Variants in SLCO1B3 observed in about 807,000 individuals in gnomAD.
SLCO1B3 encodes the protein liver-specific organic anion transporter 2.
SLCO1B3 carries 72 observed loss-of-function variants against 71.8 expected under a neutral mutation model. The ratio of observed to expected loss-of-function variants is 1.00; its 90% CI spans 0.83 to 1.22. SLCO1B3 has a LOEUF of 1.22. SLCO1B3 is among the 50% of genes most tolerant of loss of function. The pLI, the probability that SLCO1B3 is intolerant of heterozygous loss-of-function variation, is 0.00. For missense variants in SLCO1B3, 911 were observed against 819.7 expected (o/e 1.11, Z -1.36); for synonymous variants, 298 against 278.4 (o/e 1.07, Z -0.70).
At chr12:20,913,918 A>AT (rs1234160148) in intron 15 of SLCO1B3, among the ~76,000 whole-genome samples, 1 of 151,936 alleles carries the variant, frequency 6.6e-6, no homozygotes, top group Admixed American at 6.6e-5. Context: ...TGCCTAGCTA[A>AT]TTTTTTGATT....
chr12:20,855,324 G>C (rs1331363446), intron 4 of SLCO1B3, among the ~76,000 whole-genome samples, 155 bp downstream of exon 4: 1 of 152,134 alleles, frequency 6.6e-6, no homozygotes. Flanking sequence ...TGCTATAAAT[G>C]GGCTGGGGCA....
At chr12:20,854,011 A>G (rs1865079245) in intron 3 of SLCO1B3, among the ~76,000 whole-genome samples, 1 of 151,690 alleles carries the variant, frequency 6.6e-6, no homozygotes, top group African/African-American at 2.4e-5. Flanking sequence ...ATATCTGTGG[A>G]TTTTCTTGTT....
chr12:20,838,555 T>A (rs1417689667), intron 3 of SLCO1B3, among the ~76,000 whole-genome samples: 1 of 152,048 alleles, frequency 6.6e-6, no homozygotes. Flanking sequence ...TAGACTGTAC[T>A]TACACAAGCC....
At chr12:20,896,638 A>T (rs1430205677) in intron 13 of SLCO1B3, among the ~76,000 whole-genome samples, 1 of 152,116 alleles carries the variant, frequency 6.6e-6, no homozygotes, top group Non-Finnish European at 1.5e-5. Context: ...AAACTTTCCC[A>T]TATTTTCTTG....
intron 3 of SLCO1B3, among the ~76,000 whole-genome samples, chr12:20,845,492 G>A (rs1260842851): frequency 1.3e-5 from 2 of 152,110 alleles, no homozygotes; most frequent in South Asian, 4.1e-4. Flanking sequence ...CAGCAACACA[G>A]GGCAAGGATA....
In SLCO1B3 at chr12:20,883,706, T is replaced by C. The variant is rs575834904; in HGVS notation, c.1682+104T>C. 5.5e-6 allele frequency: 4 copies of C among 722,258 alleles called. No homozygotes were observed. The East Asian group carries it at 1.2e-4, about 22-fold the overall frequency. The allele number at this position is 722,258 out of a possible 1,614,324, so 44.7% of individuals were successfully genotyped here. A position where few individuals can be genotyped will look rare whatever the true frequency, so the allele number is the denominator to read the frequency against. On this transcript the variant is annotated intron_variant, in intron 13 of 15. Transcript: ENST00000381545. ...TGAGCTCAAATTCATATTTTGTCAA[T>C]TTTTAATTCTTTGAGAATGCATTTT...
chr12:20,880,493 A>G (rs1232778306), intron 11 of SLCO1B3, among the ~76,000 whole-genome samples: 1 of 151,656 alleles, frequency 6.6e-6, no homozygotes. Context: ...AATCTCAGAA[A>G]AATGAAGTTA....
chr12:20,912,559 T>C (rs1866405677), intron 15 of SLCO1B3, among the ~76,000 whole-genome samples: 1 of 150,336 alleles, frequency 6.7e-6, no homozygotes, highest in African/African-American at 2.5e-5. Context: ...GTTTCACTGC[T>C]GTCGCCCAGG....
At chr12:20,843,557 G>T (rs1864845907) in intron 3 of SLCO1B3, among the ~76,000 whole-genome samples, 1 of 151,940 alleles carries the variant, frequency 6.6e-6, no homozygotes, top group Non-Finnish European at 1.5e-5. Flanking sequence ...GACGTGGGTG[G>T]ATCACAAGAT....
At chr12:20,913,677 C>T (rs1336241524) in intron 15 of SLCO1B3, among the ~76,000 whole-genome samples, 2 of 152,118 alleles carry the variant, frequency 1.3e-5, no homozygotes, top group Non-Finnish European at 2.9e-5. Context: ...TACTTTTATT[C>T]TGTATGTCTT....
At chr12:20,846,716 G>A (rs1472165733) in intron 3 of SLCO1B3, among the ~76,000 whole-genome samples, 1 of 152,110 alleles carries the variant, frequency 6.6e-6, no homozygotes, top group Non-Finnish European at 1.5e-5. Flanking sequence ...AGCTTCTACT[G>A]GAAAGGACAC....
At chr12:20,883,385 T>A in intron 12 of SLCO1B3, 33 bp from the exon 13 acceptor site, 1 of 1,299,278 alleles carries the variant, frequency 7.7e-7, no homozygotes, top group Non-Finnish European at 1.1e-6. Flanking sequence ...ATTTGGCAAA[T>A]GTATTTGTTA....
intron 15 of SLCO1B3, among the ~76,000 whole-genome samples, chr12:20,905,576 C>T (rs1045591117): frequency 1.3e-5 from 2 of 152,160 alleles, no homozygotes; most frequent in African/African-American, 4.8e-5. Flanking sequence ...TAAATCATCT[C>T]TCTCAAGTTG....
At chr12:20,887,419 G>A (rs1865811752) in intron 13 of SLCO1B3, among the ~76,000 whole-genome samples, 1 of 151,920 alleles carries the variant, frequency 6.6e-6, no homozygotes. Flanking sequence ...ATCTTGATGA[G>A]TATAAGATGA....
At chr12:20,814,980 T>C (rs939833085) in intron 2 of SLCO1B3, among the ~76,000 whole-genome samples, 7 of 34,136 alleles carry the variant, frequency 2.1e-4, no homozygotes, top group African/African-American at 3.4e-4. Flanking sequence ...TCTTTTCTTT[T>C]CTTTTTTTTT....
At chr12:20,835,054 C>T (rs10841665) in intron 3 of SLCO1B3, among the ~76,000 whole-genome samples, 69,649 of 152,052 alleles carry the variant, frequency 0.46, 18,000 homozygotes, top group South Asian at 0.64. Flanking sequence ...CACCTGTAAG[C>T]TCAACACCAT....
chr12:20,812,162 C>G (rs1051772213), intron 1 of SLCO1B3, among the ~76,000 whole-genome samples: 3 of 152,068 alleles, frequency 2.0e-5, no homozygotes, highest in Non-Finnish European at 4.4e-5. Context: ...CCGCCTCGGC[C>G]TCCCAAAGTG....
chr12:20,912,301 T>TTTTA (rs142241896), intron 15 of SLCO1B3, among the ~76,000 whole-genome samples: 8,734 of 139,542 alleles, frequency 0.063, 937 homozygotes, highest in African/African-American at 0.22. Context: ...TTATTTTTAT[T>TTTTA]TTTATTTATT....
intron 15 of SLCO1B3, among the ~76,000 whole-genome samples, chr12:20,911,620 T>C (rs545825005): frequency 6.6e-6 from 1 of 152,226 alleles, no homozygotes; most frequent in Non-Finnish European, 1.5e-5. Context: ...TTAACAGATA[T>C]AGATCTATTC....
Sources: allele counts gnomAD v4.1 joint callset (sites outside exome capture counted in the v4.1 genomes callset), GRCh38; gene constraint gnomAD v4.1.1; transcripts MANE v1.5; gene names NCBI Gene and HGNC (gene_info 2026-07-23, HGNC 2026-07-21).